Variants in PCYT2 observed in about 807,000 individuals in gnomAD.
PCYT2 encodes the protein phosphate cytidylyltransferase 2, ethanolamine.
Under a neutral mutation model 50.0 loss-of-function variants are expected in PCYT2, and 33 were observed. That is an observed-to-expected ratio of 0.66 (90% CI 0.50 to 0.88). The LOEUF is 0.88. PCYT2 is among the 40% of genes least tolerant of loss of function. The pLI is 0.00. For synonymous variants in PCYT2, 240 were observed against 203.7 expected, an observed-to-expected ratio of 1.18 and a Z score of -1.52; for missense variants, 430 against 519.7, an observed-to-expected ratio of 0.83 and a Z score of 1.68.
chr17:81,905,295 G>A (rs199797216), intron 11 of PCYT2, 87 bp downstream of exon 11: 87 of 1,377,302 alleles, frequency 6.3e-5, no homozygotes, highest in African/African-American at 3.6e-4. Context: ...CACCATGCCC[G>A]TTTCCCAGGC....
chr17:81,902,273 TC>T lies in PCYT2; in HGVS notation c.*2559del. ...GCCGCCGCCCACCAGTCAGCCGGCG[TC>T]CCCATGGCCCGGTCCGCGACACTGG... is the stretch of plus-strand genomic sequence containing the variant. On this transcript the variant is annotated 3_prime_UTR_variant, in exon 13 of 13. Transcript: ENST00000538936. The T allele has an allele frequency of 2.4e-6, 3 of 1,252,620 alleles. No homozygotes were observed. The highest frequency in any genetic ancestry group is 2.0e-6 in the Non-Finnish European group (2 of 1,001,102). The allele number at this position is 1,252,620 out of a possible 1,614,324, so 77.6% of individuals were successfully genotyped here.
At chr17:81,910,066 A>G (rs1015352104) in intron 1 of PCYT2, among the ~76,000 whole-genome samples, 2 of 152,234 alleles carry the variant, frequency 1.3e-5, no homozygotes, top group African/African-American at 2.4e-5. Context: ...TCCAACCACA[A>G]AATAAAACCC....
In PCYT2 at chr17:81,902,502, A is replaced by G. The variant is rs182909729; in HGVS notation, c.*2331T>C. ...GGGCCGGCGCCTCCCCGGAGCTGCAACTGCACCCCAGGCTGCGGAGCCTCG... is the reference window on the plus strand; with the variant it reads ...GGGCCGGCGCCTCCCCGGAGCTGCAGCTGCACCCCAGGCTGCGGAGCCTCG... On this transcript the variant is annotated 3_prime_UTR_variant, in exon 13 of 13. Transcript: ENST00000538936. 2.4e-3 allele frequency: 3,404 copies of G among 1,426,640 alleles called. 64 individuals carry two copies. The African/African-American group carries it at 0.046, about 19-fold the overall frequency. The allele number at this position is 1,426,640 out of a possible 1,614,324, so 88.4% of individuals were successfully genotyped here. A position where few individuals can be genotyped will look rare whatever the true frequency, so the allele number is the denominator to read the frequency against.
chr17:81,905,231 A>G, intron 11 of PCYT2, 77 bp from the exon 12 acceptor site: 1 of 1,381,484 alleles, frequency 7.2e-7, no homozygotes, highest in Non-Finnish European at 1.0e-6. Flanking sequence ...CCTGCCCCAG[A>G]GGGAGACCAG....
chr17:81,907,203 C>T, intron 6 of PCYT2: 1 of 1,532,218 alleles, frequency 6.5e-7, no homozygotes, highest in Non-Finnish European at 8.7e-7. Context: ...TGTCTGGTCA[C>T]CTGGGAGCAG....
intron 6 of PCYT2, chr17:81,907,349 G>C (rs1051437940): frequency 1.1e-5 from 14 of 1,304,354 alleles, no homozygotes; most frequent in Middle Eastern, 4.0e-4. Flanking sequence ...GCCGTGACCG[G>C]CCAGCCGGTG....
intron 1 of PCYT2, chr17:81,910,995 C>A: frequency 6.0e-6 from 6 of 994,076 alleles, no homozygotes; most frequent in Non-Finnish European, 7.2e-6. Flanking sequence ...GAGGCCGTGG[C>A]TCCAGATCTC....
intron 9 of PCYT2, 172 bp from the exon 10 acceptor site, chr17:81,905,907 G>A: frequency 2.6e-6 from 2 of 768,012 alleles, no homozygotes; most frequent in Admixed American, 2.1e-5. Context: ...AGAAGGAACA[G>A]CATCTGGAGA....
chr17:81,905,472 C>A (rs764277000), intron 10 of PCYT2, 25 bp from the exon 11 acceptor site: 3 of 1,559,230 alleles, frequency 1.9e-6, no homozygotes, highest in Non-Finnish European at 2.6e-6. Flanking sequence ...GGGTCAGGAG[C>A]CCTCCCCGGG....
In PCYT2 at chr17:81,901,395, C is replaced by G. The variant is rs540971044; in HGVS notation, c.*3438G>C. On this transcript the variant is annotated 3_prime_UTR_variant, in exon 13 of 13. Transcript: ENST00000538936. Reference sequence around the variant, plus strand: ...CTCTGGCAACACCCTCACAGACACACCCAGTGACAATACTTTGCATCCTTC... The same window carrying G: ...CTCTGGCAACACCCTCACAGACACAGCCAGTGACAATACTTTGCATCCTTC... 6.6e-6 allele frequency: 1 copy of G among 152,394 alleles called. No homozygotes were observed. Among genetic ancestry groups the G allele is most frequent in the African/African-American group, 2.4e-5 (1 of 41,582 alleles). 9.4% of individuals were successfully genotyped at this position (152,394 alleles called of 1,614,324 possible).
intron 8 of PCYT2, 57 bp downstream of exon 8, chr17:81,906,407 G>A: frequency 6.5e-7 from 1 of 1,531,322 alleles, no homozygotes; most frequent in South Asian, 1.1e-5. Flanking sequence ...GCAACGCTTA[G>A]GGCCCCTCGA....
chr17:81,902,670 C>T lies in PCYT2; in HGVS notation c.*2163G>A. On this transcript the variant is annotated 3_prime_UTR_variant, in exon 13 of 13. Coordinates refer to ENST00000538936, the MANE Select transcript of PCYT2 (RefSeq NM_002861.5). ...CAAACCTGCAGAGGTGCGAGCGGCT[C>T]CCCGACGGCCGCGGGACCTACCAGT... The T allele has an allele frequency of 1.2e-6, 2 of 1,607,736 alleles. No individual in the cohort carries two copies. The highest frequency in any genetic ancestry group is 1.7e-6 in the Non-Finnish European group (2 of 1,178,554).
chr17:81,909,737 G>C (rs1178324114), intron 1 of PCYT2, 135 bp from the exon 2 acceptor site: 9 of 681,534 alleles, frequency 1.3e-5, no homozygotes, highest in Admixed American at 4.2e-5. Flanking sequence ...GGGAGCCCTG[G>C]GACTGGGATT....
intron 2 of PCYT2, 152 bp downstream of exon 2, chr17:81,909,362 C>T (rs1192973966): frequency 2.1e-6 from 3 of 1,445,166 alleles, no homozygotes; most frequent in Admixed American, 4.7e-5. Flanking sequence ...ATTAGGCCAT[C>T]CTCAGCTGGG....
chr17:81,909,769 T>C (rs1218906804), intron 1 of PCYT2, among the ~76,000 whole-genome samples, 167 bp from the exon 2 acceptor site: 2 of 152,042 alleles, frequency 1.3e-5, no homozygotes, highest in Non-Finnish European at 2.9e-5. Flanking sequence ...GGTGCTCAGC[T>C]CTCCACCCCA....
chr17:81,907,467 G>T, intron 6 of PCYT2, 87 bp downstream of exon 6: 1 of 1,419,490 alleles, frequency 7.0e-7, no homozygotes, highest in Non-Finnish European at 9.7e-7. Flanking sequence ...CTCTGGGCTG[G>T]CCTTTCCCCA....
intron 9 of PCYT2, 53 bp downstream of exon 9, chr17:81,906,047 G>T: frequency 2.0e-6 from 3 of 1,492,104 alleles, no homozygotes; most frequent in Non-Finnish European, 2.8e-6. Flanking sequence ...TAGTAGGGGG[G>T]ATGTTGTGGG....
At chr17:81,908,106 G>A (rs1337931288) in intron 4 of PCYT2, among the ~76,000 whole-genome samples, 1 of 152,186 alleles carries the variant, frequency 6.6e-6, no homozygotes, top group Non-Finnish European at 1.5e-5. Flanking sequence ...TGGGGCCCAG[G>A]TGTGCAATGC....
At chr17:81,909,305 G>A (rs558083545) in intron 2 of PCYT2, 10 of 1,431,766 alleles carry the variant, frequency 7.0e-6, no homozygotes, top group East Asian at 5.0e-5. Flanking sequence ...TGGGGAGCAG[G>A]TGCCCCTTCT....
Sources: allele counts gnomAD v4.1 joint callset (sites outside exome capture counted in the v4.1 genomes callset), GRCh38; gene constraint gnomAD v4.1.1; transcripts MANE v1.5; gene names NCBI Gene and HGNC (gene_info 2026-07-23, HGNC 2026-07-21).